Variants in ZNRF1 observed in about 807,000 individuals in gnomAD.
ZNRF1 encodes the protein zinc and ring finger 1.
ZNRF1 carries 3 observed loss-of-function variants against 18.4 expected under a neutral mutation model. That is an observed-to-expected ratio of 0.16 (90% CI 0.07 to 0.42). The LOEUF (loss-of-function observed/expected upper bound fraction) is 0.42, where lower values mean the gene tolerates loss of function less well. Among genes scored for constraint, ZNRF1 ranks in the 10% least tolerant of loss-of-function variants. The pLI is 0.99. For synonymous variants in ZNRF1, 157 were observed against 144.2 expected (o/e 1.09, Z -0.64); for missense variants, 310 against 329.8 (o/e 0.94, Z 0.47).
At chr16:75,106,359 C>T in intron 3 of ZNRF1, 123 bp from the exon 4 acceptor site, 1 of 924,962 alleles carries the variant, frequency 1.1e-6, no homozygotes, top group East Asian at 2.5e-5. Context: ...CTGTGTTTCC[C>T]TGGGGTCCTT....
intron 2 of ZNRF1, among the ~76,000 whole-genome samples, chr16:75,098,700 G>T (rs553674920): frequency 1.3e-5 from 2 of 152,324 alleles, no homozygotes; most frequent in South Asian, 4.1e-4. Context: ...TCATTTGCTA[G>T]GGGTTTCCCC....
At chr16:75,066,272 C>T (rs768952467) in intron 1 of ZNRF1, among the ~76,000 whole-genome samples, 9 of 152,276 alleles carry the variant, frequency 5.9e-5, no homozygotes, top group Middle Eastern at 3.4e-3. Context: ...GTATTGAGGA[C>T]ATATATCACA....
chr16:75,000,939 A>G (rs62061440), intron 1 of ZNRF1, among the ~76,000 whole-genome samples: 10 of 152,206 alleles, frequency 6.6e-5, no homozygotes, highest in Admixed American at 1.3e-4. Context: ...AATTCATTTT[A>G]TGAACTTCTG....
At position 75,040,042 on chromosome 16, in the gene ZNRF1, C is replaced by CTTTTTTTTTTTTTT. The variant is rs57122648; in HGVS notation, c.424+39960_424+39973dup. Reference sequence around the variant, plus strand: ...AATCTTTTGTTTCTTTCTTTTCTTTCTTTTTTTTTTTTTTTTTTTTTTTTT... The same window carrying CTTTTTTTTTTTTTT: ...AATCTTTTGTTTCTTTCTTTTCTTTCTTTTTTTTTTTTTTTTTTTTTTTTTTTTTTTTTTTTTTT... On this transcript the variant is annotated intron_variant, in intron 1 of 4. Coordinates refer to ENST00000335325, the MANE Select transcript of ZNRF1 (RefSeq NM_032268.5). Among the ~76,000 whole-genome samples, 56 of 78,858 alleles carry CTTTTTTTTTTTTTT rather than the reference C, an allele frequency of 7.1e-4. 1 individual carries two copies. The highest frequency in any genetic ancestry group is 2.8e-3 in the African/African-American group (51 of 18,136). 51.7% of individuals were successfully genotyped at this position (78,858 alleles called of 152,430 possible). A position where few individuals can be genotyped will look rare whatever the true frequency, so the allele number is the denominator to read the frequency against.
intron 1 of ZNRF1, among the ~76,000 whole-genome samples, chr16:75,009,031 G>A (rs1232351207): frequency 2.6e-5 from 4 of 152,104 alleles, no homozygotes; most frequent in Non-Finnish European, 4.4e-5. Flanking sequence ...CTCTTCATGT[G>A]CATCTTTAAT....
chr16:75,035,922 A>G (rs1280328576), intron 1 of ZNRF1, among the ~76,000 whole-genome samples: 1 of 151,802 alleles, frequency 6.6e-6, no homozygotes, highest in Non-Finnish European at 1.5e-5. Flanking sequence ...CACTCACCCA[A>G]CTCCTAAGAG....
chr16:75,004,931 TAA>T (rs1378318738), intron 1 of ZNRF1, among the ~76,000 whole-genome samples: 1 of 152,214 alleles, frequency 6.6e-6, no homozygotes, highest in Admixed American at 6.5e-5. Context: ...TGGCTTTTAA[TAA>T]GTCTTTGAAC....
At chr16:75,011,467 A>C (rs1322646585) in intron 1 of ZNRF1, among the ~76,000 whole-genome samples, 1 of 152,172 alleles carries the variant, frequency 6.6e-6, no homozygotes, top group East Asian at 1.9e-4. Flanking sequence ...TCCTGGGCTT[A>C]AGACATCCTC....
chr16:75,055,516 C>G (rs984177922), intron 1 of ZNRF1, among the ~76,000 whole-genome samples: 2 of 152,174 alleles, frequency 1.3e-5, no homozygotes, highest in African/African-American at 4.8e-5. Context: ...TGTCCTCAAA[C>G]ATTGGAGTCT....
intron 1 of ZNRF1, among the ~76,000 whole-genome samples, chr16:75,091,788 C>T (rs1442631557): frequency 6.6e-6 from 1 of 151,976 alleles, no homozygotes; most frequent in Non-Finnish European, 1.5e-5. Context: ...CTGCCGGCTT[C>T]AGCCTCCCAG....
At chr16:75,035,648 A>G (rs372515890) in intron 1 of ZNRF1, among the ~76,000 whole-genome samples, 2 of 152,216 alleles carry the variant, frequency 1.3e-5, no homozygotes, top group African/African-American at 4.8e-5. Flanking sequence ...GATCAAATGC[A>G]CGGTTTGACC....
chr16:75,060,370 G>A (rs993254132), intron 1 of ZNRF1, among the ~76,000 whole-genome samples: 1 of 151,504 alleles, frequency 6.6e-6, no homozygotes, highest in Non-Finnish European at 1.5e-5. Flanking sequence ...CTAAGTTAGG[G>A]TAGTCCCACC....
At chr16:75,056,967 C>T (rs1389911622) in intron 1 of ZNRF1, among the ~76,000 whole-genome samples, 5 of 152,162 alleles carry the variant, frequency 3.3e-5, no homozygotes, top group Non-Finnish European at 7.4e-5. Context: ...CACTAGATTC[C>T]TCTCCTGATG....
intron 1 of ZNRF1, among the ~76,000 whole-genome samples, chr16:75,091,367 A>AG (rs568762638): frequency 7.9e-4 from 119 of 150,874 alleles, no homozygotes; most frequent in Admixed American, 3.9e-3. Flanking sequence ...TCAAAAAAAA[A>AG]AAAAGAAAAG....
chr16:75,043,974 TG>T (rs929646984), intron 1 of ZNRF1, among the ~76,000 whole-genome samples: 4 of 151,736 alleles, frequency 2.6e-5, no homozygotes, highest in African/African-American at 9.7e-5. Flanking sequence ...TTTGTAGTAC[TG>T]GCTAATTTTG....
At chr16:75,050,795 C>T (rs1191512612) in intron 1 of ZNRF1, among the ~76,000 whole-genome samples, 6 of 134,916 alleles carry the variant, frequency 4.4e-5, no homozygotes, top group Admixed American at 3.2e-4. Context: ...GACATGAACC[C>T]GGGAGGTGGA....
chr16:75,015,329 A>C (rs982410297), intron 1 of ZNRF1, among the ~76,000 whole-genome samples: 1 of 152,170 alleles, frequency 6.6e-6, no homozygotes, highest in African/African-American at 2.4e-5. Context: ...CGGGCGAGGT[A>C]GCTCATGCCT....
At chr16:75,001,128 A>G (rs1197720234) in intron 1 of ZNRF1, among the ~76,000 whole-genome samples, 1 of 152,206 alleles carries the variant, frequency 6.6e-6, no homozygotes, top group African/African-American at 2.4e-5. Flanking sequence ...GTTACATCTT[A>G]AGATTCTTTT....
intron 1 of ZNRF1, among the ~76,000 whole-genome samples, chr16:75,085,130 C>A (rs1326298263): frequency 2.0e-5 from 3 of 152,072 alleles, no homozygotes; most frequent in African/African-American, 7.2e-5. Flanking sequence ...TAACCCAAAC[C>A]CTCCTCATGA....
Sources: gnomAD v4.1 joint callset for allele counts (sites outside exome capture counted in the v4.1 genomes callset) on GRCh38, gnomAD v4.1.1 for gene constraint, MANE v1.5 for transcripts, NCBI Gene and HGNC (gene_info 2026-07-23, HGNC 2026-07-21) for gene names.